The following AVEN variants were observed in gnomAD, a reference collection of about 807,000 sequenced individuals.
AVEN encodes the protein apoptosis and caspase activation inhibitor.
In AVEN, 41 loss-of-function variants were observed where a neutral mutation model predicts 38.1. The observed-to-expected ratio is 1.08, with a 90% CI of 0.84 to 1.40. AVEN has a LOEUF of 1.40. Among genes scored for constraint, AVEN ranks in the 40% most tolerant of loss-of-function variants. AVEN has a pLI of 0.00. For missense variants in AVEN, 605 were observed against 438.8 expected (o/e 1.38, Z -3.38); for synonymous variants, 206 against 171.8 (o/e 1.20, Z -1.56).
the AVEN span, chr15:33,852,005 AC>A: frequency 6.7e-6 from 1 of 150,354 alleles, no homozygotes; most frequent in African/African-American, 2.5e-5. Context: ...GCTTTAACAA[AC>A]CAAAAAAAAA....
intron 1 of AVEN, among the ~76,000 whole-genome samples, chr15:34,029,022 T>C (rs1898633467): frequency 6.6e-6 from 1 of 152,188 alleles, no homozygotes; most frequent in African/African-American, 2.4e-5. Flanking sequence ...ACAATTACTA[T>C]TTGTCCACAA....
chr15:33,875,956 T>A lies in AVEN; in HGVS notation c.485A>T (p.Glu162Val). The A allele has an allele frequency of 1.2e-6, 2 of 1,613,762 alleles. No homozygotes were observed. The highest frequency in any genetic ancestry group is 8.5e-7 in the Non-Finnish European group (1 of 1,179,988). The change falls in exon 3 of 6, where the codon GAA becomes GTA. Residue 162 changes from glutamate (E) to valine (V), a missense_variant. Transcript: ENST00000306730. ...TGGACAAGAAGCTTCACTATCCCAT[T>A]CTTTCTCCTCAGCAAACCGGAACTG... is the stretch of plus-strand genomic sequence containing the variant. ...FSQFRFAEEK[E>V]WDSEASCPKQ... is the part of the protein sequence containing the mutation.
chr15:33,859,724 C>A, intron 11 of AVEN: 1 of 1,607,780 alleles, frequency 6.2e-7, no homozygotes. Context: ...TGCTGGCCAT[C>A]ATTCAAGGTA....
Position 33,870,956 on chromosome 15 carries a change from G to C in AVEN, c.591C>G (p.Asn197Lys). ...TTACCTGGACCAGTTCGGCAGCAAC[G>C]TTGAGTCGGAGGCAGAGAGGCAGCT... ...LQELPLCLRL[N>K]VAAELVQGTV... The change falls in exon 4 of 6, where the codon AAC becomes AAG. Residue 197 changes from asparagine to lysine, a missense_variant. Physicochemically the swap from Asn to Lys is moderately conservative, Grantham distance 94 (BLOSUM62 0). Transcript: ENST00000306730. 6.2e-7 allele frequency: 1 copy of C among 1,611,142 alleles called. No homozygotes were observed. Among genetic ancestry groups the C allele is most frequent in the Non-Finnish European group, 8.5e-7 (1 of 1,178,238 alleles).
At chr15:33,903,620 A>G (rs952791019) in intron 2 of AVEN, among the ~76,000 whole-genome samples, 2 of 152,228 alleles carry the variant, frequency 1.3e-5, no homozygotes, top group African/African-American at 4.8e-5. Context: ...GATCCTAGTA[A>G]GGAGATGTGT....
rs1304316242 is a variant in AVEN, at chr15:33,875,870, T to C, written c.516+55A>G. 5.4e-6 allele frequency: 8 copies of C among 1,480,830 alleles called. No homozygotes were observed. The Admixed American group carries it at 8.5e-5, about 16-fold the overall frequency. The allele number at this position is 1,480,830 out of a possible 1,614,324, so 91.7% of individuals were successfully genotyped here. ...TCTATCTCAAGAACGTAAAAGGTGT[T>C]AGCCTTCAGCCTTGAAGAAGAGCCA... On this transcript the variant is annotated intron_variant, in intron 3 of 5. Coordinates refer to ENST00000306730, the MANE Select transcript of AVEN (RefSeq NM_020371.3).
chr15:33,990,338 C>T (rs529624214), intron 2 of AVEN, among the ~76,000 whole-genome samples: 54 of 152,092 alleles, frequency 3.6e-4, no homozygotes, highest in African/African-American at 1.2e-3. Flanking sequence ...GCCGAGATCA[C>T]GCCACTGCCC....
At chr15:33,864,563 G>C (rs1889784259), downstream of AVEN, among the ~76,000 whole-genome samples, 2 of 151,190 alleles carry the variant, frequency 1.3e-5, no homozygotes, top group Admixed American at 1.3e-4. Flanking sequence ...ACGACCTCAT[G>C]TGTGGGTGAC....
At chr15:33,963,221 G>A (rs1436058684) in intron 2 of AVEN, among the ~76,000 whole-genome samples, 2 of 152,166 alleles carry the variant, frequency 1.3e-5, no homozygotes, top group Non-Finnish European at 2.9e-5. Context: ...TCTGTGCCAG[G>A]CACTGTGCTA....
chr15:33,962,603 A>C (rs982283141), intron 2 of AVEN, among the ~76,000 whole-genome samples: 2 of 152,134 alleles, frequency 1.3e-5, no homozygotes, highest in African/African-American at 4.8e-5. Flanking sequence ...CTAATTCCTA[A>C]ATTTTTTAAC....
At chr15:33,878,838 G>T (rs1017215847) in intron 2 of AVEN, among the ~76,000 whole-genome samples, 10 of 152,094 alleles carry the variant, frequency 6.6e-5, no homozygotes, top group African/African-American at 2.2e-4. Flanking sequence ...TATATATGAA[G>T]TAAATGACAG....
At chr15:33,964,625 CACT>C (rs1312605292) in intron 2 of AVEN, among the ~76,000 whole-genome samples, 1 of 151,992 alleles carries the variant, frequency 6.6e-6, no homozygotes, top group Non-Finnish European at 1.5e-5. Context: ...CCCCTCATAC[CACT>C]ACTTAGTTTT....
chr15:33,890,106 T>C (rs1032738913), intron 2 of AVEN, among the ~76,000 whole-genome samples: 16 of 152,250 alleles, frequency 1.1e-4, no homozygotes, highest in African/African-American at 2.9e-4. Flanking sequence ...TTTTTGTTCA[T>C]TGATGCAAAA....
chr15:33,986,030 A>T (rs1356804132), intron 2 of AVEN, among the ~76,000 whole-genome samples: 2 of 152,076 alleles, frequency 1.3e-5, no homozygotes, highest in East Asian at 1.9e-4. Flanking sequence ...CAAATTTAGG[A>T]TTCTATTAAG....
At chr15:34,021,311 GT>G (rs1293833001) in intron 1 of AVEN, among the ~76,000 whole-genome samples, 1 of 151,078 alleles carries the variant, frequency 6.6e-6, no homozygotes, top group Non-Finnish European at 1.5e-5. Context: ...TTGAGACGGA[GT>G]TTCACTCTTG....
At chr15:33,882,315 G>T (rs933395486) in intron 2 of AVEN, among the ~76,000 whole-genome samples, 1 of 152,108 alleles carries the variant, frequency 6.6e-6, no homozygotes, top group Non-Finnish European at 1.5e-5. Flanking sequence ...AAGGGGGAAG[G>T]GGGTAGCAAA....
At chr15:34,011,332 G>A (rs891173193) in intron 1 of AVEN, among the ~76,000 whole-genome samples, 3 of 151,934 alleles carry the variant, frequency 2.0e-5, no homozygotes, top group East Asian at 1.9e-4. Context: ...AAAAAAGGGC[G>A]TTTCCATTTG....
At chr15:34,015,280 G>A (rs776189075) in intron 1 of AVEN, among the ~76,000 whole-genome samples, 5 of 152,066 alleles carry the variant, frequency 3.3e-5, no homozygotes, top group South Asian at 4.1e-4. Flanking sequence ...TCAGGAGATC[G>A]AGACCATCTT....
At chr15:33,906,229 A>G (rs537265712) in intron 2 of AVEN, among the ~76,000 whole-genome samples, 1 of 152,220 alleles carries the variant, frequency 6.6e-6, no homozygotes, top group East Asian at 1.9e-4. Context: ...GCAAACAACA[A>G]AGAGGAAATG....
Sources: allele counts gnomAD v4.1 joint callset (sites outside exome capture counted in the v4.1 genomes callset), GRCh38; gene constraint gnomAD v4.1.1; transcripts MANE v1.5; gene names NCBI Gene and HGNC (gene_info 2026-07-23, HGNC 2026-07-21).